The following PFKFB1 variants were observed in gnomAD, a reference collection of about 807,000 sequenced individuals.
The protein encoded by PFKFB1 is 6-phosphofructo-2-kinase/fructose-2,6-bisphosphatase 1.
A neutral mutation model predicts 46.4 loss-of-function variants in PFKFB1; 34 were observed. The ratio of observed to expected loss-of-function variants is 0.73; its 90% confidence interval spans 0.56 to 0.98. The LOEUF is 0.98. PFKFB1 is among the 50% of genes least tolerant of loss of function. The pLI is 0.00. For missense variants in PFKFB1, 393 were observed against 376.3 expected (o/e 1.04, Z -0.37); for synonymous variants, 119 against 133.8 (o/e 0.89, Z 0.76).
chrX:54,954,644 C>T (rs1461065165), intron 7 of PFKFB1, among the ~76,000 whole-genome samples: 1 of 112,241 alleles, frequency 8.9e-6, no homozygotes, highest in Non-Finnish European at 1.9e-5. Context: ...GACCTTCTTC[C>T]TCTAAGCTGG....
At chrX:54,948,754 C>T (rs751334968) in intron 9 of PFKFB1, among the ~76,000 whole-genome samples, 2 of 111,667 alleles carry the variant, frequency 1.8e-5, no homozygotes, top group South Asian at 3.8e-4. Context: ...TTGTAAATTC[C>T]CCAGCACCAA....
In PFKFB1 at chrX:54,941,979, A is replaced by G. The variant is rs184538936; in HGVS notation, c.1098+3460T>C. Among the ~76,000 whole-genome samples, 444 of 112,176 alleles carry G rather than the reference A, an allele frequency of 4.0e-3. 3 individuals are homozygous for G. Among genetic ancestry groups the G allele is most frequent in the African/African-American group, 0.014 (435 of 30,821 alleles). Reference sequence around the variant, plus strand: ...TGTGGCACTATTCACAATAGCAAAGACTTGGAACCAACCCAAATGTCCAAC... The same window carrying G: ...TGTGGCACTATTCACAATAGCAAAGGCTTGGAACCAACCCAAATGTCCAAC... On this transcript the variant is annotated intron_variant, in intron 10 of 13. Coordinates refer to ENST00000375006, the MANE Select transcript of PFKFB1 (RefSeq NM_002625.4).
intron 1 of PFKFB1, among the ~76,000 whole-genome samples, chrX:54,978,493 A>C (rs1934893421): frequency 9.0e-6 from 1 of 111,675 alleles, no homozygotes; most frequent in Non-Finnish European, 1.9e-5. Flanking sequence ...GAAGAGTTGC[A>C]TAGGCTCAAA....
intron 1 of PFKFB1, among the ~76,000 whole-genome samples, chrX:54,992,846 TGA>T (rs746897579): frequency 1.8e-5 from 2 of 111,438 alleles, no homozygotes; most frequent in African/African-American, 6.5e-5. Context: ...GATGAGTGAG[TGA>T]GAGAGCTGGT....
At chrX:54,936,862 A>G (rs1372934290) in intron 11 of PFKFB1, among the ~76,000 whole-genome samples, 1 of 111,808 alleles carries the variant, frequency 8.9e-6, no homozygotes, top group Non-Finnish European at 1.9e-5. Flanking sequence ...TAGACATTGA[A>G]TATAATTTTG....
chrX:54,940,595 A>T (rs1387384230), intron 10 of PFKFB1, among the ~76,000 whole-genome samples: 2 of 111,625 alleles, frequency 1.8e-5, no homozygotes, highest in Non-Finnish European at 3.8e-5. Flanking sequence ...TTTACACCAA[A>T]AACAGACAAA....
intron 1 of PFKFB1, among the ~76,000 whole-genome samples, chrX:54,973,529 T>C (rs1934745986): frequency 1.8e-5 from 2 of 111,663 alleles, no homozygotes; most frequent in Admixed American, 1.9e-4. Flanking sequence ...CCAGAGATTC[T>C]GTTATGTTGT....
At chrX:54,971,287 T>C (rs1389206760) in intron 1 of PFKFB1, among the ~76,000 whole-genome samples, 5 of 78,399 alleles carry the variant, frequency 6.4e-5, no homozygotes, top group East Asian at 4.4e-4. Flanking sequence ...TTTTGTAGGT[T>C]GCCTGTTCAG....
At chrX:54,964,026 C>T (rs1460705561) in intron 1 of PFKFB1, among the ~76,000 whole-genome samples, 1 of 110,895 alleles carries the variant, frequency 9.0e-6, no homozygotes, top group African/African-American at 3.3e-5. Flanking sequence ...AAACTCTGCC[C>T]ATACCAATCT....
At chrX:54,978,893 G>A (rs1332342701) in intron 1 of PFKFB1, among the ~76,000 whole-genome samples, 1 of 111,606 alleles carries the variant, frequency 9.0e-6, no homozygotes, top group Non-Finnish European at 1.9e-5. Context: ...TGAAAAACAA[G>A]GAAAGACTGA....
At chrX:54,948,150 T>G (rs771228979) in intron 9 of PFKFB1, among the ~76,000 whole-genome samples, 2 of 111,240 alleles carry the variant, frequency 1.8e-5, no homozygotes, top group South Asian at 7.7e-4. Context: ...CTCCAACTCC[T>G]GGGCTCAAGT....
chrX:54,933,457 C>A lies in PFKFB1; in HGVS notation c.1362G>T (p.Val454=), dbSNP rs1464045047. The A allele has an allele frequency of 1.2e-5, 14 of 1,203,102 alleles. No individual in the cohort carries two copies. The highest frequency in any genetic ancestry group is 1.3e-5 in the Non-Finnish European group (12 of 889,191). ...VNTHREKPEN[V]DITREPEEAL... ...CTTCCTCAGGTTCCCGGGTGATGTC[C>A]ACATTCTGAGGAGAGAGCGCAGGAT... Residue 454 remains valine, a synonymous_variant, in exon 14 of 14, where the codon GTG becomes GTT. Transcript: ENST00000375006.
intron 1 of PFKFB1, among the ~76,000 whole-genome samples, chrX:54,984,833 C>T (rs563319525): frequency 1.8e-5 from 2 of 111,149 alleles, no homozygotes; most frequent in East Asian, 5.7e-4. Context: ...TCCCTTCCTC[C>T]TCCCAGTTTT....
upstream of PFKFB1, chrX:54,994,564 T>A (rs1437924518): frequency 1.3e-6 from 1 of 752,208 alleles, no homozygotes; most frequent in East Asian, 1.5e-4. Context: ...AATGCAAGGT[T>A]CCCAAGGACA....
At position 54,933,315 on chromosome X, in the gene PFKFB1, C is replaced by CA. The variant is rs1452775529; in HGVS notation, c.*87dup. On this transcript the variant is annotated 3_prime_UTR_variant, in exon 14 of 14. Transcript: ENST00000375006. The stretch of plus-strand genomic sequence containing the variant: ...TGGAAGTGGGGTGCCTCAGTGAGGC[C>CA]AAGGCAGAGTAGGAGAAGAGCAAAG... 1.2e-6 allele frequency: 1 copy of CA among 823,234 alleles called. No homozygotes were observed. The highest frequency in any genetic ancestry group is 2.3e-5 in the Admixed American group (1 of 43,577). 67.8% of individuals were successfully genotyped at this position (823,234 alleles called of 1,213,427 possible).
At chrX:54,966,230 T>C (rs751851738) in intron 1 of PFKFB1, among the ~76,000 whole-genome samples, 1 of 112,100 alleles carries the variant, frequency 8.9e-6, no homozygotes, top group Admixed American at 9.5e-5. Context: ...TCAGACCTTT[T>C]ATCTCTCACT....
chrX:54,949,686 AT>A (rs1445189570), intron 8 of PFKFB1, among the ~76,000 whole-genome samples: 15 of 111,970 alleles, frequency 1.3e-4, no homozygotes. Flanking sequence ...ACCTCCACTG[AT>A]CCCCATGCTC....
intron 1 of PFKFB1, among the ~76,000 whole-genome samples, chrX:54,966,143 C>T (rs888262083): frequency 1.8e-5 from 2 of 111,295 alleles, no homozygotes; most frequent in South Asian, 3.8e-4. Flanking sequence ...AATTAAAGAC[C>T]GAGATGGTCA....
At chrX:54,939,003 C>T (rs756279193) in intron 10 of PFKFB1, among the ~76,000 whole-genome samples, 1 of 111,727 alleles carries the variant, frequency 9.0e-6, no homozygotes, top group Admixed American at 9.5e-5. Context: ...AAGCACTCCT[C>T]AGCAAATGTA....
Sources: allele counts gnomAD v4.1 joint callset (sites outside exome capture counted in the v4.1 genomes callset), GRCh38; gene constraint gnomAD v4.1.1; transcripts MANE v1.5; gene names NCBI Gene and HGNC (gene_info 2026-07-23, HGNC 2026-07-21).